The following SLC28A3 variants were observed in gnomAD, a reference collection of about 807,000 sequenced individuals.
SLC28A3 encodes solute carrier family 28 member 3.
SLC28A3 carries 68 observed loss-of-function variants against 84.2 expected under a neutral mutation model. That is an observed-to-expected ratio of 0.81 (90% CI 0.66 to 0.99). The LOEUF is 0.99. SLC28A3 is among the 50% of genes least tolerant of loss of function. SLC28A3 has a pLI of 0.00. For synonymous variants in SLC28A3, 267 were observed against 303.6 expected, an observed-to-expected ratio of 0.88 and a Z score of 1.25; for missense variants, 712 against 841.5, an observed-to-expected ratio of 0.85 and a Z score of 1.90.
chr9:84,297,236 G>T lies in SLC28A3; in HGVS notation c.846C>A (p.His282Gln). The change falls in exon 8 of 18, where the codon CAC becomes CAA. Residue 282 changes from histidine to glutamine, a missense_variant. By Grantham distance (24) the His-to-Gln change is conservative. Coordinates refer to ENST00000376238, the MANE Select transcript of SLC28A3 (RefSeq NM_001199633.2). The part of the protein sequence containing the change: ...SFVFGEKYKD[H>Q]FFAFKVLPIV... ...TTGACTTTACCTTAAATGCAAAGAA[G>T]TGGTCTTTGTATTTCTCACCAAAGA... 1 of 1,613,180 alleles carries T rather than the reference G, an allele frequency of 6.2e-7. No individual in the cohort carries two copies. Among genetic ancestry groups the T allele is most frequent in the Admixed American group, 1.7e-5 (1 of 59,916 alleles).
At position 84,290,219 on chromosome 9, in the gene SLC28A3, C is replaced by G; in HGVS notation, c.1084G>C (p.Ala362Pro). 3 of 1,614,040 alleles carry G rather than the reference C, an allele frequency of 1.9e-6. No individual in the cohort carries two copies. Among genetic ancestry groups the G allele is most frequent in the Non-Finnish European group, 2.5e-6 (3 of 1,179,962 alleles). The part of the protein sequence containing the change: ...LPYITKSELH[A>P]IMTAGFSTIA... The stretch of plus-strand genomic sequence containing the variant: ...GTAGAGAACCCGGCGGTCATGATGG[C>G]GTGGAGTTCAGACTTGGTGATGTAA... Residue 362 changes from alanine (A) to proline (P), a missense_variant, in exon 11 of 18, where the codon GCC becomes CCC. Coordinates refer to ENST00000376238, the MANE Select transcript of SLC28A3 (RefSeq NM_001199633.2).
At chr9:84,282,650 T>A (rs550310677) in intron 14 of SLC28A3, among the ~76,000 whole-genome samples, 1 of 152,334 alleles carries the variant, frequency 6.6e-6, no homozygotes, top group African/African-American at 2.4e-5. Context: ...CCAGACAATT[T>A]TTCCTCAGTT....
chr9:84,364,740 T>C, the SLC28A3 span, among the ~76,000 whole-genome samples: 1 of 152,184 alleles, frequency 6.6e-6, no homozygotes, highest in African/African-American at 2.4e-5. Context: ...TTTCAATTTT[T>C]AGATTCCACA....
At chr9:84,315,214 C>T (rs1409047318) in intron 1 of SLC28A3, among the ~76,000 whole-genome samples, 1 of 152,180 alleles carries the variant, frequency 6.6e-6, no homozygotes, top group Non-Finnish European at 1.5e-5. Context: ...TTGGTGGATG[C>T]TAAAATGTTC....
upstream of SLC28A3, among the ~76,000 whole-genome samples, chr9:84,344,326 C>T (rs538032976): frequency 1.3e-5 from 2 of 151,602 alleles, no homozygotes; most frequent in South Asian, 4.2e-4. Flanking sequence ...GTAGCTGAGA[C>T]TACAGGCGTG....
Position 84,337,441 on chromosome 9 carries a change from T to TGTGTGTGTGTGTGTGTGC in SLC28A3, c.60+3132_60+3133insGCACACACACACACACAC, listed in dbSNP as rs1364543892. ...GCCTGGGGATGCTAGCCTGTGTGTGTGCGCGCGCGTGTGTGTATGCGTATG... is the reference window on the plus strand; with the variant it reads ...GCCTGGGGATGCTAGCCTGTGTGTGTGTGTGTGTGTGTGTGTGCGCGCGCGCGTGTGTGTATGCGTATG... On this transcript the variant is annotated intron_variant, in intron 1 of 17. Coordinates refer to ENST00000376238, the MANE Select transcript of SLC28A3 (RefSeq NM_001199633.2). Among the ~76,000 whole-genome samples the TGTGTGTGTGTGTGTGTGC allele has an allele frequency of 6.0e-5, 9 of 150,904 alleles. No individual in the cohort carries two copies. The South Asian group carries it at 6.2e-4, about 10-fold the overall frequency.
chr9:84,346,859 C>T, the SLC28A3 span, among the ~76,000 whole-genome samples: 1 of 152,076 alleles, frequency 6.6e-6, no homozygotes, highest in East Asian at 1.9e-4. Context: ...GATGATTTGG[C>T]TGTCTGTATC....
chr9:84,336,729 G>A (rs1290563107), intron 1 of SLC28A3, among the ~76,000 whole-genome samples: 1 of 152,128 alleles, frequency 6.6e-6, no homozygotes, highest in Non-Finnish European at 1.5e-5. Flanking sequence ...CTTCTAAAAT[G>A]CCTTAGCACA....
At chr9:84,355,981 AT>A in the SLC28A3 span, among the ~76,000 whole-genome samples, 3 of 151,762 alleles carry the variant, frequency 2.0e-5, no homozygotes, top group South Asian at 4.2e-4. Flanking sequence ...CACCCAGCTA[AT>A]TTTTTTTAAA....
chr9:84,355,582 CT>C, the SLC28A3 span, among the ~76,000 whole-genome samples: 1 of 151,136 alleles, frequency 6.6e-6, no homozygotes, highest in East Asian at 1.9e-4. Flanking sequence ...ATTTTGATTT[CT>C]TTTTTTTTGT....
the SLC28A3 span, among the ~76,000 whole-genome samples, chr9:84,362,766 A>G: frequency 2.0e-5 from 3 of 152,174 alleles, no homozygotes; most frequent in African/African-American, 4.8e-5. Flanking sequence ...GGTGAAGCCT[A>G]CAGCCCTCTT....
At chr9:84,343,193 A>AG (rs1047291559), upstream of SLC28A3, among the ~76,000 whole-genome samples, 1 of 151,420 alleles carries the variant, frequency 6.6e-6, no homozygotes, top group Non-Finnish European at 1.5e-5. Flanking sequence ...CAAAAAAAAA[A>AG]CAAAAGACAA....
At chr9:84,358,622 T>C in the SLC28A3 span, among the ~76,000 whole-genome samples, 5 of 152,202 alleles carry the variant, frequency 3.3e-5, no homozygotes, top group African/African-American at 1.2e-4. Context: ...TCTGATGGTC[T>C]ATGAAATTCT....
At chr9:84,324,405 G>A (rs148676882) in intron 1 of SLC28A3, among the ~76,000 whole-genome samples, 136 of 152,202 alleles carry the variant, frequency 8.9e-4, no homozygotes, top group African/African-American at 2.8e-3. Flanking sequence ...AGCACTTTGG[G>A]GGCTAAGGTA....
chr9:84,349,171 G>A, the SLC28A3 span, among the ~76,000 whole-genome samples: 3 of 152,226 alleles, frequency 2.0e-5, no homozygotes, highest in East Asian at 3.8e-4. Context: ...GGAGTTAAGA[G>A]CAATGTTTTG....
rs773885508 is a variant in SLC28A3, at chr9:84,280,037, G to T, written c.1766C>A (p.Ser589Ter). The T allele has an allele frequency of 6.8e-6, 11 of 1,613,850 alleles. No individual in the cohort carries two copies. In the South Asian group the frequency reaches 1.2e-4, roughly 18 times the overall value. The change falls in exon 16 of 18, where the codon TCG (serine) becomes TAG (stop). Residue 589 changes from serine to a stop codon, truncating the protein, a stop_gained. Coordinates refer to ENST00000376238, the MANE Select transcript of SLC28A3 (RefSeq NM_001199633.2). LOFTEE classifies it high-confidence loss of function. ...MAPSRKRDIA[S>*]GAVRALIAGT... Reference sequence around the variant, plus strand: ...CGCAATCAGAGCTCTCACTGCCCCCGAGGCGATATCACGCTTTCTGGAAGG... The same window carrying T: ...CGCAATCAGAGCTCTCACTGCCCCCTAGGCGATATCACGCTTTCTGGAAGG...
chr9:84,310,618 AGT>A lies in SLC28A3; in HGVS notation c.157-906_157-905del, dbSNP rs948731040. 1.6e-5 allele frequency: 16 copies of A among 982,408 alleles called. No individual in the cohort carries two copies. In the African/African-American group the frequency reaches 2.6e-4, roughly 16 times the overall value. 60.9% of individuals were successfully genotyped at this position (982,408 alleles called of 1,614,324 possible). ...ACAGAAATCATAGAAATAAATCATT[AGT>A]GTGTGTCTGAGATGAAAGAATTCTC... On this transcript the variant is annotated intron_variant, in intron 2 of 17. Coordinates refer to ENST00000376238, the MANE Select transcript of SLC28A3 (RefSeq NM_001199633.2).
chr9:84,301,131 C>T (rs1825611867), intron 5 of SLC28A3, among the ~76,000 whole-genome samples: 4 of 151,906 alleles, frequency 2.6e-5, no homozygotes, highest in Admixed American at 2.6e-4. Context: ...AGGAGGATCA[C>T]TGGAGGCCAG....
At chr9:84,316,598 TACCATCC>T (rs1826177207) in intron 1 of SLC28A3, among the ~76,000 whole-genome samples, 1 of 152,252 alleles carries the variant, frequency 6.6e-6, no homozygotes, top group Admixed American at 6.5e-5. Context: ...CCCGGCTCTG[TACCATCC>T]ACCTCAACTT....
Sources: gnomAD v4.1 joint callset for allele counts (sites outside exome capture counted in the v4.1 genomes callset) on GRCh38, gnomAD v4.1.1 for gene constraint, MANE v1.5 for transcripts, NCBI Gene and HGNC (gene_info 2026-07-23, HGNC 2026-07-21) for gene names.